Variants in ERAP1 observed in about 807,000 individuals in gnomAD.
The protein encoded by ERAP1 is adipocyte-derived leucine aminopeptidase.
In ERAP1, 86 loss-of-function variants were observed where a neutral mutation model predicts 103.7. The ratio of observed to expected loss-of-function variants is 0.83; its 90% CI spans 0.70 to 0.99. The LOEUF is 0.99. Among genes scored for constraint, ERAP1 ranks in the 50% least tolerant of loss-of-function variants. ERAP1 has a pLI of 0.00. For missense variants in ERAP1, 1,009 were observed against 1,128.4 expected, an observed-to-expected ratio of 0.89 and a Z score of 1.52; for synonymous variants, 398 against 402.4, an observed-to-expected ratio of 0.99 and a Z score of 0.13.
intron 17 of ERAP1, 84 bp from the exon 18 acceptor site, chr5:96,780,588 T>A: frequency 9.4e-7 from 1 of 1,064,586 alleles, no homozygotes; most frequent in Non-Finnish European, 1.5e-6. Flanking sequence ...ATATAATAGC[T>A]TTCAGCTAAA....
the ERAP1 span, among the ~76,000 whole-genome samples, chr5:96,877,652 T>C: frequency 2.0e-5 from 3 of 152,202 alleles, no homozygotes; most frequent in Admixed American, 6.5e-5. Context: ...CATGATCACG[T>C]AGGTGAGGTT....
At chr5:96,889,353 T>G in the ERAP1 span, 2 of 1,602,736 alleles carry the variant, frequency 1.2e-6, no homozygotes, top group Non-Finnish European at 1.7e-6. Flanking sequence ...TCATAAAACT[T>G]GCTTTGATCT....
At chr5:96,870,325 C>T in the ERAP1 span, among the ~76,000 whole-genome samples, 2 of 152,200 alleles carry the variant, frequency 1.3e-5, no homozygotes, top group Non-Finnish European at 2.9e-5. Context: ...ACTCCATAAT[C>T]ATGTCTGAAC....
chr5:96,887,799 C>T, the ERAP1 span, among the ~76,000 whole-genome samples: 18 of 152,108 alleles, frequency 1.2e-4, no homozygotes, highest in Non-Finnish European at 1.6e-4. Flanking sequence ...GACTTAAAAA[C>T]ATTTTTAAAG....
At chr5:96,864,796 T>C in the ERAP1 span, among the ~76,000 whole-genome samples, 1 of 152,124 alleles carries the variant, frequency 6.6e-6, no homozygotes, top group Non-Finnish European at 1.5e-5. Flanking sequence ...ATTTGATAGG[T>C]TGAAAAGGGA....
At chr5:96,790,425 C>T in intron 9 of ERAP1, 58 bp from the exon 10 acceptor site, 1 of 1,608,824 alleles carries the variant, frequency 6.2e-7, no homozygotes, top group Non-Finnish European at 8.5e-7. Context: ...TGATTCTCCT[C>T]AGAGGGATTA....
the ERAP1 span, chr5:96,881,047 T>G: frequency 5.8e-6 from 1 of 172,296 alleles, no homozygotes; most frequent in Non-Finnish European, 1.3e-5. Context: ...TGCTCTAAAG[T>G]GGGATTGGTT....
the ERAP1 span, among the ~76,000 whole-genome samples, chr5:96,900,845 T>G: frequency 6.6e-6 from 1 of 151,942 alleles, no homozygotes; most frequent in Non-Finnish European, 1.5e-5. Flanking sequence ...CCCGGCTAAT[T>G]TTTTTGTATT....
At chr5:96,899,330 A>G in the ERAP1 span, among the ~76,000 whole-genome samples, 2 of 152,248 alleles carry the variant, frequency 1.3e-5, no homozygotes, top group African/African-American at 4.8e-5. Context: ...ATTTTGACCA[A>G]CTCTCTTCTG....
the ERAP1 span, among the ~76,000 whole-genome samples, chr5:96,923,426 G>A: frequency 2.0e-5 from 3 of 152,184 alleles, no homozygotes; most frequent in African/African-American, 7.2e-5. Flanking sequence ...GGGGCGTAGT[G>A]GCTGACGCCT....
chr5:96,900,195 G>A, the ERAP1 span: 1 of 1,613,536 alleles, frequency 6.2e-7, no homozygotes, highest in Non-Finnish European at 8.5e-7. Context: ...ACATGGTAAG[G>A]ATAAAGAGAG....
rs1203341351 is a variant in ERAP1, at chr5:96,785,442, C to T, written c.1943+346G>A. ...ACCCAGTGGTGGGAGAAACCTGATC[C>T]GGTATAGCGGGGCCAGAAGAAGCTG... On this transcript the variant is annotated intron_variant, in intron 13 of 18. Transcript: ENST00000443439. 12 of 347,820 alleles carry T rather than the reference C, an allele frequency of 3.5e-5. No individual in the cohort carries two copies. In the East Asian group the frequency reaches 7.3e-4, roughly 21 times the overall value. 21.5% of individuals were successfully genotyped at this position (347,820 alleles called of 1,614,324 possible).
At chr5:96,908,150 A>AG in the ERAP1 span, among the ~76,000 whole-genome samples, 1 of 152,302 alleles carries the variant, frequency 6.6e-6, no homozygotes, top group East Asian at 1.9e-4. Context: ...AGCCCAGAGG[A>AG]GACACCCTTT....
chr5:96,780,345 A>C (rs2150896977), intron 18 of ERAP1, 78 bp downstream of exon 18: 1 of 1,049,520 alleles, frequency 9.5e-7, no homozygotes, highest in Non-Finnish European at 1.4e-6. Context: ...ACACCCTCAA[A>C]GTATTTTGTC....
rs1257089117 is a variant in ERAP1 at position 96,793,881 on chromosome 5, CA to C, written c.995del (p.Leu332ArgfsTer18). 1.9e-6 allele frequency: 3 copies of C among 1,614,168 alleles called. No homozygotes were observed. In the South Asian group the frequency reaches 3.3e-5, roughly 18 times the overall value. Reference sequence around the variant, plus strand: ...CAGAAGACTTTTCTGCATCAAACAACAGAGCAGATTCTCTATATGTTGTCAG... The same window carrying C: ...CAGAAGACTTTTCTGCATCAAACAACGAGCAGATTCTCTATATGTTGTCAG... ...WGLTTYRESA[L>X]LFDAEKSSAS... is the part of the protein sequence containing the mutation. On this transcript the variant is annotated frameshift_variant, in exon 6 of 19. Transcript: ENST00000443439. LOFTEE classifies it high-confidence loss of function.
chr5:96,862,338 A>G, the ERAP1 span, among the ~76,000 whole-genome samples: 2 of 152,308 alleles, frequency 1.3e-5, no homozygotes, highest in East Asian at 3.9e-4. Context: ...AGTGGACAAG[A>G]CATTGCTACC....
chr5:96,924,783 C>T, the ERAP1 span, among the ~76,000 whole-genome samples: 104 of 151,936 alleles, frequency 6.8e-4, no homozygotes, highest in African/African-American at 2.4e-3. Context: ...TTTTTAGTAG[C>T]GACGGGATTT....
At chr5:96,913,444 C>T in the ERAP1 span, 2 of 1,614,004 alleles carry the variant, frequency 1.2e-6, no homozygotes, top group Non-Finnish European at 8.5e-7. Flanking sequence ...AAATTGGACC[C>T]ATCTTCTGAA....
chr5:96,792,105 G>A lies in ERAP1; in HGVS notation c.1276C>T (p.Pro426Ser). The change falls in exon 8 of 19, where the codon CCT (proline) becomes TCT (serine). Residue 426 changes from proline to serine, a missense_variant. This residue lies in a region of ERAP1 where 611 missense variants were observed against 651.7 expected (regional missense o/e 0.94). Coordinates refer to ENST00000443439, the MANE Select transcript of ERAP1 (RefSeq NM_001040458.3). ...TCAAACATCTCCCGGATCTGAGCAGGATTTTCCACAGGTGTAGACACAGGG... is the reference window on the plus strand; with the variant it reads ...TCAAACATCTCCCGGATCTGAGCAGAATTTTCCACAGGTGTAGACACAGGG... ...SHPVSTPVEN[P>S]AQIREMFDDV... The A allele has an allele frequency of 1.2e-6, 2 of 1,614,040 alleles. No homozygotes were observed. Among genetic ancestry groups the A allele is most frequent in the Middle Eastern group, 1.6e-4 (1 of 6,062 alleles).
Sources: allele counts gnomAD v4.1 joint callset (sites outside exome capture counted in the v4.1 genomes callset), GRCh38; gene constraint gnomAD v4.1.1; regional missense constraint gnomAD v4.1.1; transcripts MANE v1.5; gene names NCBI Gene and HGNC (gene_info 2026-07-23, HGNC 2026-07-21).